PUDP: variants seen among roughly 807,000 people sequenced by gnomAD.
PUDP encodes pseudouridine-5'-phosphatase.
In PUDP, 8 loss-of-function variants were observed where a neutral mutation model predicts 9.4. That is an observed-to-expected ratio of 0.85 (90% CI 0.50 to 1.53). The LOEUF (loss-of-function observed/expected upper bound fraction) is 1.53, where lower values mean the gene tolerates loss of function less well. PUDP is among the 40% of genes most tolerant of loss of function. PUDP has a pLI of 0.00. For synonymous variants in PUDP, 99 were observed against 80.7 expected, an observed-to-expected ratio of 1.23 and a Z score of -1.22; for missense variants, 188 against 189.7, an observed-to-expected ratio of 0.99 and a Z score of 0.05.
intron 2 of PUDP, among the ~76,000 whole-genome samples, chrX:7,093,479 T>C (rs1374343076): frequency 2.0e-4 from 22 of 111,526 alleles, no homozygotes; most frequent in African/African-American, 6.9e-4. Flanking sequence ...TGTGAGCGGG[T>C]GCTGGGACTC....
chrX:6,749,132 T>A (rs1378105552), intron 3 of PUDP, among the ~76,000 whole-genome samples: 1 of 112,144 alleles, frequency 8.9e-6, no homozygotes, highest in Non-Finnish European at 1.9e-5. Context: ...TGATAATGTC[T>A]ATTTCTCTGT....
intron 3 of PUDP, among the ~76,000 whole-genome samples, chrX:6,877,254 C>A (rs2146737280): frequency 9.0e-6 from 1 of 111,311 alleles, no homozygotes; most frequent in South Asian, 3.8e-4. Context: ...CCACTATATA[C>A]CCAGCCAAGC....
intron 3 of PUDP, among the ~76,000 whole-genome samples, chrX:6,758,962 C>T (rs1298094197): frequency 8.9e-6 from 1 of 112,009 alleles, no homozygotes; most frequent in Non-Finnish European, 1.9e-5. Context: ...CACAGAGATT[C>T]TGGGTGGAGA....
chrX:7,097,420 G>C (rs1401086727), intron 2 of PUDP, among the ~76,000 whole-genome samples: 1 of 111,600 alleles, frequency 9.0e-6, no homozygotes, highest in Non-Finnish European at 1.9e-5. Context: ...TCTCCCATCT[G>C]TATCTCTTCT....
intron 2 of PUDP, among the ~76,000 whole-genome samples, chrX:7,105,048 T>C (rs888606315): frequency 2.7e-5 from 3 of 111,633 alleles, no homozygotes; most frequent in African/African-American, 9.8e-5. Context: ...CCCGTTCTGA[T>C]TGAATGTCAG....
intron 1 of PUDP, among the ~76,000 whole-genome samples, chrX:7,027,264 C>T (rs1406984336): frequency 9.0e-6 from 1 of 110,901 alleles, no homozygotes; most frequent in South Asian, 3.8e-4. Context: ...AGGATAAAAC[C>T]GTGGCCACGA....
chrX:6,864,002 C>G (rs915804559), intron 3 of PUDP, among the ~76,000 whole-genome samples: 1 of 111,279 alleles, frequency 9.0e-6, no homozygotes, highest in Non-Finnish European at 1.9e-5. Context: ...CTGTTTTGGT[C>G]TCTCAGATCC....
intron 3 of PUDP, among the ~76,000 whole-genome samples, chrX:6,914,489 G>A (rs896262281): frequency 3.6e-5 from 4 of 111,809 alleles, no homozygotes; most frequent in Admixed American, 9.5e-5. Flanking sequence ...TGTCTCTAAA[G>A]AGCCTTGTAG....
intron 3 of PUDP, among the ~76,000 whole-genome samples, chrX:6,890,792 C>G (rs1927500993): frequency 9.2e-6 from 1 of 108,664 alleles, no homozygotes; most frequent in Non-Finnish European, 1.9e-5. Context: ...ATACATGCCA[C>G]AAGGTGTCTT....
At chrX:7,115,495 G>A (rs765758735) in intron 1 of PUDP, among the ~76,000 whole-genome samples, 4 of 112,028 alleles carry the variant, frequency 3.6e-5, no homozygotes, top group Admixed American at 9.5e-5. Context: ...ACCAACTTTC[G>A]GTCAGTAAGT....
chrX:6,805,507 G>T (rs181830597), intron 3 of PUDP, among the ~76,000 whole-genome samples: 1 of 109,781 alleles, frequency 9.1e-6, no homozygotes, highest in African/African-American at 3.3e-5. Context: ...TGGAAAGGAC[G>T]TTGGGACCAA....
rs35191917 is a variant in PUDP at position 6,956,401 on chromosome X, C to CA, written c.*247+20731dup. On this transcript the variant is annotated intron_variant and NMD_transcript_variant, in intron 3 of 3. Coordinates refer to the PUDP transcript ENST00000655425. The stretch of plus-strand genomic sequence containing the variant: ...TAGGGAACAAAATAGATTTTTAGGG[C>CA]AAAAAAAAAAAAATCAAACTATCTT... Among the ~76,000 whole-genome samples the CA allele has an allele frequency of 6.7e-3, 596 of 89,459 alleles. 4 individuals carry two copies. Among genetic ancestry groups the CA allele is most frequent in the African/African-American group, 0.016 (383 of 23,725 alleles). 77.7% of individuals were successfully genotyped at this position (89,459 alleles called of 115,157 possible). A position where few individuals can be genotyped will look rare whatever the true frequency, so the allele number is the denominator to read the frequency against.
At chrX:7,110,209 A>G (rs1932003601) in intron 1 of PUDP, among the ~76,000 whole-genome samples, 1 of 112,542 alleles carries the variant, frequency 8.9e-6, no homozygotes, top group Admixed American at 9.3e-5. Context: ...CTGTTATGGA[A>G]GCCCTGTGCC....
intron 1 of PUDP, among the ~76,000 whole-genome samples, chrX:7,116,104 G>A (rs1019329211): frequency 7.1e-5 from 8 of 112,394 alleles, no homozygotes; most frequent in Non-Finnish European, 1.1e-4. Flanking sequence ...TGCATAGCAA[G>A]AAAGTTGGAC....
intron 3 of PUDP, among the ~76,000 whole-genome samples, chrX:6,836,836 C>G (rs1190061522): frequency 8.9e-6 from 1 of 112,168 alleles, no homozygotes; most frequent in Non-Finnish European, 1.9e-5. Context: ...AGAAAGCAGG[C>G]ACTTAGTGAC....
chrX:6,885,834 G>A (rs1442228064), intron 3 of PUDP, among the ~76,000 whole-genome samples: 1 of 112,492 alleles, frequency 8.9e-6, no homozygotes, highest in Non-Finnish European at 1.9e-5. Flanking sequence ...CAGGTGTAAG[G>A]TGATATTGCA....
chrX:6,904,303 C>T (rs1292218827), intron 3 of PUDP, among the ~76,000 whole-genome samples: 1 of 110,030 alleles, frequency 9.1e-6, no homozygotes, highest in African/African-American at 3.3e-5. Context: ...CAACAGGAAG[C>T]GAGTTGTCAG....
At chrX:6,898,763 ATTC>A (rs72130088) in intron 3 of PUDP, among the ~76,000 whole-genome samples, 17,146 of 111,326 alleles carry the variant, frequency 0.15, 1,236 homozygotes, top group Middle Eastern at 0.23. Flanking sequence ...GTCAAGAAAT[ATTC>A]TTCTTTTGAT....
intron 1 of PUDP, among the ~76,000 whole-genome samples, chrX:7,146,456 A>G (rs929574235): frequency 8.9e-5 from 10 of 111,968 alleles, no homozygotes; most frequent in Non-Finnish European, 1.9e-4. Context: ...CCACCGGAGT[A>G]GGAAAATTCA....
Sources: allele counts gnomAD v4.1 joint callset (sites outside exome capture counted in the v4.1 genomes callset), GRCh38; gene constraint gnomAD v4.1.1; transcripts MANE v1.5; gene names NCBI Gene and HGNC (gene_info 2026-07-23, HGNC 2026-07-21).